The following PTPRK variants were observed in gnomAD, a reference collection of about 807,000 sequenced individuals.
PTPRK encodes protein tyrosine phosphatase receptor type K.
Under a neutral mutation model 178.0 loss-of-function variants are expected in PTPRK, and 75 were observed. The observed-to-expected ratio is 0.42, with a 90% CI of 0.35 to 0.51. PTPRK has a LOEUF of 0.51. Ranked by LOEUF, PTPRK falls within the 20% of genes least tolerant of loss-of-function variation. PTPRK has a pLI of 0.02. For synonymous variants in PTPRK, 637 were observed against 620.6 expected (o/e 1.03, Z -0.39); for missense variants, 1,441 against 1,797.8 (o/e 0.80, Z 3.59).
At chr6:128,497,517 G>T (rs1222081906) in intron 1 of PTPRK, among the ~76,000 whole-genome samples, 1 of 152,052 alleles carries the variant, frequency 6.6e-6, no homozygotes, top group African/African-American at 2.4e-5. Flanking sequence ...TTTTATCTTG[G>T]TTTGAAATGA....
intron 13 of PTPRK, among the ~76,000 whole-genome samples, chr6:128,034,281 G>A (rs190653004): frequency 1.8e-4 from 28 of 152,278 alleles, no homozygotes; most frequent in Admixed American, 8.5e-4. Flanking sequence ...TCTCCCTTGT[G>A]TTTTCAGAAA....
chr6:128,479,403 A>G (rs1164048430), intron 1 of PTPRK, among the ~76,000 whole-genome samples: 1 of 152,170 alleles, frequency 6.6e-6, no homozygotes, highest in Admixed American at 6.5e-5. Context: ...ATGGAGTTAT[A>G]AAATTCCATG....
chr6:128,149,790 T>C (rs922012941), intron 7 of PTPRK, among the ~76,000 whole-genome samples: 3 of 152,186 alleles, frequency 2.0e-5, no homozygotes, highest in Non-Finnish European at 4.4e-5. Context: ...CACTCCTCTC[T>C]TCCTCCTTGT....
chr6:128,009,209 C>T lies in PTPRK; in HGVS notation c.2254G>A (p.Val752Met), dbSNP rs189751935. ...PDPAKQTDRV[V>M]KIAGISAGIL... Reference sequence around the variant, plus strand: ...CCAGCACTAATTCCTGCTATTTTCACCACTCTGTCTGTCTGCTTGGCGGGA... The same window carrying T: ...CCAGCACTAATTCCTGCTATTTTCATCACTCTGTCTGTCTGCTTGGCGGGA... The change falls in exon 14 of 30, where the codon GTG becomes ATG. Residue 752 changes from valine to methionine, a missense_variant. Val to Met is a conservative substitution (Grantham distance 21). Transcript: ENST00000368226. The T allele has an allele frequency of 6.2e-7, 1 of 1,609,052 alleles. No homozygotes were observed. The highest frequency in any genetic ancestry group is 1.3e-5 in the African/African-American group (1 of 74,400).
intron 1 of PTPRK, among the ~76,000 whole-genome samples, chr6:128,449,112 G>T (rs1252248821): frequency 1.3e-5 from 2 of 151,918 alleles, no homozygotes; most frequent in Non-Finnish European, 1.5e-5. Context: ...CACCCGCCTC[G>T]GCCTCCCAAA....
chr6:127,985,837 A>G lies in PTPRK; in HGVS notation c.3135T>C (p.His1045=). 1 of 1,613,530 alleles carries G rather than the reference A, an allele frequency of 6.2e-7. No individual in the cohort carries two copies. Among genetic ancestry groups the G allele is most frequent in the Non-Finnish European group, 8.5e-7 (1 of 1,179,542 alleles). The part of the protein sequence containing the change: ...YNEIREVKQF[H]FTGWPDHGVP... ...CTCCATGGTCAGGCCAGCCCGTGAA[A>G]TGGAACTGTTTAACTTCACGGATTT... is the stretch of plus-strand genomic sequence containing the variant. Residue 1045 remains histidine, a synonymous_variant, in exon 22 of 30, where the codon CAT becomes CAC. Coordinates refer to ENST00000368226, the MANE Select transcript of PTPRK (RefSeq NM_002844.4).
chr6:128,442,070 G>A (rs1846354501), intron 1 of PTPRK, among the ~76,000 whole-genome samples: 1 of 152,164 alleles, frequency 6.6e-6, no homozygotes, highest in Non-Finnish European at 1.5e-5. Context: ...GAAAAGACAA[G>A]TAAAGATGAA....
At chr6:128,158,077 A>G (rs887552090) in intron 7 of PTPRK, among the ~76,000 whole-genome samples, 1 of 151,924 alleles carries the variant, frequency 6.6e-6, no homozygotes, top group African/African-American at 2.4e-5. Flanking sequence ...TAGGTCTAAC[A>G]TTTAAGTCTT....
intron 6 of PTPRK, among the ~76,000 whole-genome samples, chr6:128,214,135 G>A (rs1047644784): frequency 6.6e-6 from 1 of 152,166 alleles, no homozygotes; most frequent in African/African-American, 2.4e-5. Context: ...GAACAAGACA[G>A]GCTCTGATAG....
intron 2 of PTPRK, among the ~76,000 whole-genome samples, chr6:128,347,975 C>T (rs773697602): frequency 1.3e-5 from 2 of 151,710 alleles, no homozygotes; most frequent in Non-Finnish European, 2.9e-5. Flanking sequence ...AATACAATAC[C>T]TATGGGAATT....
At chr6:128,212,538 A>G (rs1303128808) in intron 6 of PTPRK, among the ~76,000 whole-genome samples, 2 of 152,076 alleles carry the variant, frequency 1.3e-5, no homozygotes, top group Admixed American at 1.3e-4. Context: ...AAACTCCAAG[A>G]GAAGAGAATT....
chr6:128,388,710 T>G (rs1265574714), intron 2 of PTPRK, among the ~76,000 whole-genome samples: 1 of 152,240 alleles, frequency 6.6e-6, no homozygotes, highest in Admixed American at 6.5e-5. Flanking sequence ...TCACCTGACT[T>G]CAGTTCCTTC....
In PTPRK at chr6:128,113,797, A is replaced by G. The variant is rs554168440; in HGVS notation, c.1163-23805T>C. Among the ~76,000 whole-genome samples the G allele has an allele frequency of 3.9e-5, 6 of 152,224 alleles. No individual in the cohort carries two copies. In the South Asian group the frequency reaches 1.2e-3, roughly 32 times the overall value. ...CTTCTGTGTACTTAAAAAACACCTC[A>G]CAAGGAAGAAGTCACAGTCCTCTAA... On this transcript the variant is annotated intron_variant, in intron 7 of 29. Transcript: ENST00000368226.
In PTPRK at chr6:128,471,604, TAAAAAA is replaced by T. The variant is rs34372021; in HGVS notation, c.100+48649_100+48654del. ...GGCATTCACTAGATACAAAACAACC[TAAAAAA>T]AAAAAAAAAAAAAAAACTCACAACA... On this transcript the variant is annotated intron_variant, in intron 1 of 29. Transcript: ENST00000368226. 7.8e-3 allele frequency among the ~76,000 whole-genome samples: 494 copies of T among 63,610 alleles called. 5 individuals carry two copies. Among genetic ancestry groups the T allele is most frequent in the African/African-American group, 0.025 (461 of 18,360 alleles). The allele number at this position is 63,610 out of a possible 152,430, so 41.7% of individuals were successfully genotyped here. A position where few individuals can be genotyped will look rare whatever the true frequency, so the allele number is the denominator to read the frequency against.
chr6:128,506,528 C>T (rs987658010), intron 1 of PTPRK, among the ~76,000 whole-genome samples: 10 of 151,676 alleles, frequency 6.6e-5, no homozygotes, highest in Admixed American at 1.3e-4. Context: ...GGTATGGTGG[C>T]GCACACCTGT....
At chr6:128,354,481 C>T (rs544441365) in intron 2 of PTPRK, among the ~76,000 whole-genome samples, 79 of 151,882 alleles carry the variant, frequency 5.2e-4, no homozygotes, top group Non-Finnish European at 9.6e-4. Context: ...ATGATCTGCC[C>T]GCCTCGGCCT....
At chr6:128,338,667 C>CT (rs2128329678) in intron 2 of PTPRK, among the ~76,000 whole-genome samples, 1 of 7,890 alleles carries the variant, frequency 1.3e-4, no homozygotes, top group Admixed American at 3.4e-3. Flanking sequence ...GAAGTCTATG[C>CT]TTCCCCTCTG....
At chr6:128,182,734 T>A (rs1293274995) in intron 7 of PTPRK, among the ~76,000 whole-genome samples, 1 of 152,122 alleles carries the variant, frequency 6.6e-6, no homozygotes, top group Non-Finnish European at 1.5e-5. Context: ...CAGTAACATG[T>A]TTTTATCCAC....
At chr6:128,133,061 C>G (rs903777757) in intron 7 of PTPRK, among the ~76,000 whole-genome samples, 8 of 152,264 alleles carry the variant, frequency 5.3e-5, no homozygotes, top group Non-Finnish European at 1.0e-4. Flanking sequence ...AAAAAAGATA[C>G]GTGCATGCTG....
Sources: gnomAD v4.1 joint callset for allele counts (sites outside exome capture counted in the v4.1 genomes callset) on GRCh38, gnomAD v4.1.1 for gene constraint, MANE v1.5 for transcripts, NCBI Gene and HGNC (gene_info 2026-07-23, HGNC 2026-07-21) for gene names.